MORF4L2: variants seen among roughly 807,000 people sequenced by gnomAD.
The protein encoded by MORF4L2 is mortality factor 4-like protein 2.
Under a neutral mutation model 12.0 loss-of-function variants are expected in MORF4L2, and 1 was observed. That is an observed-to-expected ratio of 0.08 (90% CI 0.03 to 0.40). The LOEUF (loss-of-function observed/expected upper bound fraction) is 0.40, where lower values mean the gene tolerates loss of function less well. Among genes scored for constraint, MORF4L2 ranks in the 10% least tolerant of loss-of-function variants. The probability of loss-of-function intolerance (pLI) is 0.98; values close to 1 mark genes in which losing one functional copy is unlikely to be tolerated. For synonymous variants in MORF4L2, 69 were observed against 81.6 expected (o/e 0.85, Z 0.83); for missense variants, 123 against 214.0 (o/e 0.57, Z 2.65).
chrX:103,677,536 A>C (rs1303772310), intron 3 of MORF4L2, among the ~76,000 whole-genome samples: 1 of 112,342 alleles, frequency 8.9e-6, no homozygotes, highest in Non-Finnish European at 1.9e-5. Context: ...AGAATACAGA[A>C]ATCATGAAGA....
At chrX:103,684,792 GA>G (rs1411810403) in intron 2 of MORF4L2, 2 of 112,028 alleles carry the variant, frequency 1.8e-5, no homozygotes, top group African/African-American at 6.5e-5. Context: ...GGTATAAAGT[GA>G]GTAAATATCT....
chrX:103,685,498 G>A (rs1168571974), intron 1 of MORF4L2: 1 of 111,063 alleles, frequency 9.0e-6, no homozygotes, highest in African/African-American at 3.3e-5. Flanking sequence ...AATTTCAAAT[G>A]GATGAAATAA....
chrX:103,681,417 G>C (rs1392722824), intron 2 of MORF4L2, among the ~76,000 whole-genome samples: 1 of 111,676 alleles, frequency 9.0e-6, no homozygotes, highest in Non-Finnish European at 1.9e-5. Context: ...TCCATTTTGA[G>C]TCATATAATA....
intron 1 of MORF4L2, 77 bp from the exon 2 acceptor site, chrX:103,685,337 A>C (rs1295921153): frequency 8.9e-6 from 1 of 112,395 alleles, no homozygotes; most frequent in African/African-American, 3.2e-5. Context: ...TACATCAGCC[A>C]ATGCAATTTC....
In MORF4L2 at chrX:103,676,126, A is replaced by G; in HGVS notation, c.*35T>C. ...GACTAAGAACAAAAAGTGTTTACAG[A>G]TACAGGACAAAAATGGTGAGCTGTC... On this transcript the variant is annotated 3_prime_UTR_variant, in exon 4 of 4. Transcript: ENST00000441076. The G allele has an allele frequency of 5.2e-6, 6 of 1,145,600 alleles. No homozygotes were observed. The highest frequency in any genetic ancestry group is 6.9e-6 in the Non-Finnish European group (6 of 863,878). 94.4% of individuals were successfully genotyped at this position (1,145,600 alleles called of 1,213,427 possible).
intron 2 of MORF4L2, among the ~76,000 whole-genome samples, chrX:103,684,057 G>A (rs2074046016): frequency 8.9e-6 from 1 of 112,162 alleles, no homozygotes; most frequent in South Asian, 3.6e-4. Flanking sequence ...CTGTCAAAAG[G>A]CTGAAAAACC....
At chrX:103,684,154 G>A (rs2074047434) in intron 2 of MORF4L2, among the ~76,000 whole-genome samples, 1 of 112,561 alleles carries the variant, frequency 8.9e-6, no homozygotes, top group Non-Finnish European at 1.9e-5. Flanking sequence ...GTATGCATGT[G>A]TCAGAAAAGA....
intron 2 of MORF4L2, among the ~76,000 whole-genome samples, chrX:103,681,877 T>C (rs1477494467): frequency 9.0e-6 from 1 of 111,482 alleles, no homozygotes; most frequent in Admixed American, 9.6e-5. Flanking sequence ...AGTAATTAGA[T>C]CTTGTGGTAC....
At chrX:103,686,071 C>G (rs1172343932) in intron 1 of MORF4L2, among the ~76,000 whole-genome samples, 1 of 108,409 alleles carries the variant, frequency 9.2e-6, no homozygotes, top group Non-Finnish European at 1.9e-5. Context: ...CTACTCATCG[C>G]ATGTGGTTCA....
intron 1 of MORF4L2, among the ~76,000 whole-genome samples, chrX:103,686,124 T>TCC (rs5903221): frequency 5.2e-5 from 4 of 76,845 alleles, no homozygotes; most frequent in Admixed American, 1.6e-4. Flanking sequence ...TTTCTTGCAC[T>TCC]CCCCCCCCCC....
upstream of MORF4L2, chrX:103,687,832 T>C (rs757128719): frequency 9.0e-6 from 1 of 110,989 alleles, no homozygotes; most frequent in African/African-American, 3.3e-5. Context: ...TTCTCTAGTA[T>C]CGTCCTCCCT....
chrX:103,680,254 C>T (rs1036190939), intron 2 of MORF4L2, among the ~76,000 whole-genome samples: 3 of 112,856 alleles, frequency 2.7e-5, no homozygotes, highest in African/African-American at 9.7e-5. Context: ...CCAGGAAAGC[C>T]AGTTATTGGG....
intron 2 of MORF4L2, among the ~76,000 whole-genome samples, chrX:103,683,398 G>T (rs1431881237): frequency 1.8e-5 from 2 of 112,429 alleles, no homozygotes; most frequent in Non-Finnish European, 3.8e-5. Context: ...TAGGCCATCT[G>T]TTCTGTCACA....
chrX:103,676,996 C>T lies in MORF4L2; in HGVS notation c.32G>A (p.Arg11His), dbSNP rs1178844579. 4.1e-6 allele frequency: 5 copies of T among 1,205,299 alleles called. No homozygotes were observed. Among genetic ancestry groups the T allele is most frequent in the Non-Finnish European group, 5.6e-6 (5 of 893,629 alleles). Residue 11 changes from arginine to histidine, a missense_variant, in exon 4 of 4, where the codon CGT becomes CAT. Coordinates refer to ENST00000441076, the MANE Select transcript of MORF4L2 (RefSeq NM_012286.3). MSSRKQGSQPRGQQSAEEENF... is the reference protein window; with the variant it reads MSSRKQGSQPHGQQSAEEENF... ...CTCTTCTTCTGCAGATTGCTGTCCA[C>T]GAGGTTGAGAACCCTGCTTTCTGGA...
intron 2 of MORF4L2, among the ~76,000 whole-genome samples, chrX:103,678,910 C>G (rs933361726): frequency 1.8e-5 from 2 of 111,803 alleles, no homozygotes; most frequent in African/African-American, 6.5e-5. Flanking sequence ...TCACAGGTTC[C>G]TGTGAGAATT....
intron 2 of MORF4L2, among the ~76,000 whole-genome samples, chrX:103,679,541 A>C (rs2073932706): frequency 9.1e-6 from 1 of 109,639 alleles, no homozygotes; most frequent in Non-Finnish European, 1.9e-5. Context: ...AAGATAGTAC[A>C]GGTAGAGAAA....
chrX:103,680,606 G>C (rs957405038), intron 2 of MORF4L2, among the ~76,000 whole-genome samples: 1 of 112,622 alleles, frequency 8.9e-6, no homozygotes, highest in African/African-American at 3.2e-5. Flanking sequence ...GTTAATACAG[G>C]TTGAGTATTC....
intron 1 of MORF4L2, among the ~76,000 whole-genome samples, chrX:103,686,239 TTTTATC>T (rs2074104761): frequency 9.0e-6 from 1 of 111,230 alleles, no homozygotes; most frequent in African/African-American, 3.3e-5. Context: ...GGTATATCTA[TTTTATC>T]TTTAATTTAT....
chrX:103,681,250 A>G (rs748849249), intron 2 of MORF4L2, among the ~76,000 whole-genome samples: 1 of 112,017 alleles, frequency 8.9e-6, no homozygotes, highest in South Asian at 3.7e-4. Flanking sequence ...TGTTTGTCTT[A>G]GTTTTCTATC....
Sources: allele counts gnomAD v4.1 joint callset (sites outside exome capture counted in the v4.1 genomes callset), GRCh38; gene constraint gnomAD v4.1.1; transcripts MANE v1.5; gene names NCBI Gene and HGNC (gene_info 2026-07-23, HGNC 2026-07-21).